HOOK2: variants seen among roughly 807,000 people sequenced by gnomAD.
The protein encoded by HOOK2 is hook microtubule tethering protein 2.
HOOK2 carries 108 observed loss-of-function variants against 111.9 expected under a neutral mutation model. The observed-to-expected ratio is 0.96, with a 90% CI of 0.83 to 1.13. HOOK2 has a LOEUF of 1.13. HOOK2 is among the 50% of genes most tolerant of loss of function. HOOK2 has a pLI of 0.00. For missense variants in HOOK2, 978 were observed against 951.3 expected, an observed-to-expected ratio of 1.03 and a Z score of -0.37; for synonymous variants, 405 against 394.3, an observed-to-expected ratio of 1.03 and a Z score of -0.32.
At chr19:12,782,333 TG>T (rs1379171389), upstream of HOOK2, among the ~76,000 whole-genome samples, 1 of 152,240 alleles carries the variant, frequency 6.6e-6, no homozygotes, top group Admixed American at 6.5e-5. Context: ...TAGAATGGGT[TG>T]GTGCCAAGAT....
chr19:12,791,909 C>G lies in HOOK2; in HGVS notation n.42-17684G>C. ...GCCTGGCGGTCAACCTGGCCGACCC[C>G]TACCGGAGTCTCAAAGCGCCTGGGG... is the stretch of plus-strand genomic sequence containing the variant. On this transcript the variant is annotated intron_variant and non_coding_transcript_variant, in intron 3 of 3. Coordinates refer to the HOOK2 transcript ENST00000589765. The surrounding 1 kb of genome is among the most constrained non-coding windows in gnomAD (Gnocchi z 7.0). 6.2e-7 allele frequency: 1 copy of G among 1,613,298 alleles called. No individual in the cohort carries two copies. Among genetic ancestry groups the G allele is most frequent in the Non-Finnish European group, 8.5e-7 (1 of 1,179,878 alleles).
chr19:12,770,612 G>A (rs1216599457), intron 10 of HOOK2, among the ~76,000 whole-genome samples: 2 of 150,808 alleles, frequency 1.3e-5, no homozygotes, highest in African/African-American at 4.9e-5. Flanking sequence ...AGCCCAAACT[G>A]TGCAGTGGGA....
Position 12,767,376 on chromosome 19 carries a change from T to G in HOOK2, c.1373+19A>C. On this transcript the variant is annotated intron_variant, in intron 14 of 22. Transcript: ENST00000397668. ...GGCAAGCCTGGGTGGGGCCAGAGTT[T>G]TGAGTGACCCCAGGATACCTGAGCT... 6.2e-7 allele frequency: 1 copy of G among 1,609,934 alleles called. No homozygotes were observed. Among genetic ancestry groups the G allele is most frequent in the Non-Finnish European group, 8.5e-7 (1 of 1,176,334 alleles).
In HOOK2 at chr19:12,764,816, T is replaced by C. The variant is rs978482764; in HGVS notation, c.1825A>G (p.Met609Val). The change falls in exon 20 of 23, where the codon ATG becomes GTG. Residue 609 changes from methionine to valine, a missense_variant and splice_region_variant. Met to Val is a conservative substitution (Grantham distance 21). This residue lies in a region of HOOK2 where 277 missense variants were observed against 265.8 expected (regional missense o/e 1.04). Transcript: ENST00000397668. Reference sequence around the variant, plus strand: ...GTGGGAACACCCAGCGTCCTCACCATGCGGGCCTTGTCCACGTAGCGGCGG... The same window carrying C: ...GTGGGAACACCCAGCGTCCTCACCACGCGGGCCTTGTCCACGTAGCGGCGG... ...RYRRYVDKAR[M>V]VMQTMEPKQR... 7 of 1,613,242 alleles carry C rather than the reference T, an allele frequency of 4.3e-6. No individual in the cohort carries two copies. Among genetic ancestry groups the C allele is most frequent in the Non-Finnish European group, 5.1e-6 (6 of 1,179,788 alleles).
In HOOK2 at chr19:12,775,410, T is replaced by A. The variant is rs1247539102; in HGVS notation, c.40A>T (p.Thr14Ser). The part of the protein sequence containing the change: ...DKAELCGSLL[T>S]WLQTFHVPSP... ...AGCCCCGCCCCACGACCTACCCAGG[T>A]GAGCAGAGACCCGCATAGCTCAGCT... The change falls in exon 1 of 23, where the codon ACC (threonine) becomes TCC (serine). Residue 14 changes from threonine (T) to serine (S), a missense_variant. By Grantham distance (58) the Thr-to-Ser change is moderately conservative. This residue lies in a region of HOOK2 where 301 missense variants were observed against 286.1 expected (regional missense o/e 1.05). Transcript: ENST00000397668. 3 of 1,612,382 alleles carry A rather than the reference T, an allele frequency of 1.9e-6. No individual in the cohort carries two copies. Among genetic ancestry groups the A allele is most frequent in the Middle Eastern group, 1.7e-4 (1 of 6,060 alleles).
Position 12,764,990 on chromosome 19 carries a change from C to A in HOOK2, c.1723+9G>T. ...TCTCCCCACCCTCTGGTCACTAGGT[C>A]CTACTTACTGCTGCTGTCAGTGGGT... is the stretch of plus-strand genomic sequence containing the variant. On this transcript the variant is annotated intron_variant, in intron 19 of 22. Coordinates refer to ENST00000397668, the MANE Select transcript of HOOK2 (RefSeq NM_013312.3). 6.2e-7 allele frequency: 1 copy of A among 1,614,128 alleles called. No homozygotes were observed. Among genetic ancestry groups the A allele is most frequent in the Non-Finnish European group, 8.5e-7 (1 of 1,179,970 alleles).
rs2145764168 is a variant in HOOK2 at position 12,772,494 on chromosome 19, G to A, written c.456+119C>T. On this transcript the variant is annotated intron_variant, in intron 6 of 22. Transcript: ENST00000397668. Reference sequence around the variant, plus strand: ...CACATGAGACAGAGATGTCTGGCCAGCTGAGTTCCAGGCAGAGTCCAGACC... The same window carrying A: ...CACATGAGACAGAGATGTCTGGCCAACTGAGTTCCAGGCAGAGTCCAGACC... 6.0e-6 allele frequency: 7 copies of A among 1,170,348 alleles called. No homozygotes were observed. In the South Asian group the frequency reaches 9.7e-5, roughly 16 times the overall value. 72.5% of individuals were successfully genotyped at this position (1,170,348 alleles called of 1,614,324 possible).
Position 12,767,433 on chromosome 19 carries a change from C to T in HOOK2, c.1335G>A (p.Val445=). ...DPSLDPTSTP[V]DNLAAEILPA... ...GCAGGATCTCTGCGGCTAAGTTATC[C>T]ACGGGTGTGGAGGTGGGATCCAGTG... The change falls in exon 14 of 23, where the codon GTG becomes GTA. Residue 445 remains valine, a synonymous_variant. Coordinates refer to ENST00000397668, the MANE Select transcript of HOOK2 (RefSeq NM_013312.3). 1 of 1,614,086 alleles carries T rather than the reference C, an allele frequency of 6.2e-7. No individual in the cohort carries two copies.
chr19:12,780,964 C>A (rs1368565455), upstream of HOOK2, among the ~76,000 whole-genome samples: 2 of 142,214 alleles, frequency 1.4e-5, no homozygotes. Flanking sequence ...GGTGACAGAG[C>A]GAGACTCCGT....
At chr19:12,767,970 G>A (rs373030296) in intron 12 of HOOK2, 43 bp downstream of exon 12, 2 of 1,610,704 alleles carry the variant, frequency 1.2e-6, no homozygotes, top group Non-Finnish European at 8.5e-7. Flanking sequence ...GGCTACCCCA[G>A]AATTGGCAGG....
chr19:12,765,354 C>T (rs753614836), intron 18 of HOOK2: 137 of 591,320 alleles, frequency 2.3e-4, no homozygotes, highest in Middle Eastern at 2.1e-3. Context: ...CTGGTTCAGC[C>T]ACCATCTTCC....
In HOOK2 at chr19:12,791,745, C is replaced by T; in HGVS notation, n.42-17520G>A. On this transcript the variant is annotated intron_variant and non_coding_transcript_variant, in intron 3 of 3. Transcript: ENST00000589765. This position sits in a 1 kb window ranked among gnomAD's most constrained non-coding sequence, Gnocchi z 7.0. ...AGGCCCGGAGCGGCCCCGCAGGGAC[C>T]CTCCCCAGACCGCCTGGGCCGCCCG... 1 of 1,547,536 alleles carries T rather than the reference C, an allele frequency of 6.5e-7. No homozygotes were observed. Among genetic ancestry groups the T allele is most frequent in the Non-Finnish European group, 8.8e-7 (1 of 1,138,696 alleles).
upstream of HOOK2, chr19:12,778,288 G>T (rs1041302958): frequency 6.6e-6 from 1 of 152,366 alleles, no homozygotes; most frequent in African/African-American, 2.4e-5. Context: ...TCGCACGAAC[G>T]CAGTCACTCA....
At chr19:12,777,732 G>A (rs1411634389), upstream of HOOK2, among the ~76,000 whole-genome samples, 3 of 152,260 alleles carry the variant, frequency 2.0e-5, no homozygotes, top group African/African-American at 7.2e-5. Context: ...CGTCGCCCGG[G>A]CCCACCAGGG....
chr19:12,775,571 GC>G (rs968658209), upstream of HOOK2: 232 of 730,328 alleles, frequency 3.2e-4, no homozygotes, highest in Admixed American at 3.1e-3. Flanking sequence ...GCCCCGCCCC[GC>G]CCCCCTAGGC....
chr19:12,780,264 C>G (rs886176743), upstream of HOOK2, among the ~76,000 whole-genome samples: 5 of 152,186 alleles, frequency 3.3e-5, no homozygotes, highest in African/African-American at 4.8e-5. Context: ...GGGGCTCTCT[C>G]ACTCCAATTG....
chr19:12,788,830 A>G (rs976463496), intron 3 of HOOK2, among the ~76,000 whole-genome samples: 1 of 152,120 alleles, frequency 6.6e-6, no homozygotes, highest in Non-Finnish European at 1.5e-5. Context: ...CCAGACTCAC[A>G]GGCCTCCGGA....
upstream of HOOK2, among the ~76,000 whole-genome samples, chr19:12,782,874 A>G (rs1041230935): frequency 7.8e-6 from 1 of 128,608 alleles, no homozygotes; most frequent in African/African-American, 3.4e-5. Context: ...GACCTTTCCC[A>G]TGGAGCTGAG....
intron 14 of HOOK2, 47 bp from the exon 15 acceptor site, chr19:12,766,287 C>T (rs1968144101): frequency 6.7e-7 from 1 of 1,487,404 alleles, no homozygotes; most frequent in Non-Finnish European, 8.9e-7. Flanking sequence ...AGTCACCTCG[C>T]AGGCTCGCTG....
Sources: gnomAD v4.1 joint callset for allele counts (sites outside exome capture counted in the v4.1 genomes callset) on GRCh38, gnomAD v4.1.1 for gene constraint, gnomAD v4.1.1 regional missense constraint, Gnocchi (gnomAD v3.1) non-coding constraint, MANE v1.5 for transcripts, NCBI Gene and HGNC (gene_info 2026-07-23, HGNC 2026-07-21) for gene names.